The following MORN1 variants were observed in gnomAD, a reference collection of about 807,000 sequenced individuals.
MORN1 encodes MORN repeat-containing protein 1.
In MORN1, 67 loss-of-function variants were observed where a neutral mutation model predicts 61.9. That is an observed-to-expected ratio of 1.08 (90% CI 0.89 to 1.33). The LOEUF (loss-of-function observed/expected upper bound fraction) is 1.33. MORN1 is among the 40% of genes most tolerant of loss of function. The probability of loss-of-function intolerance (pLI) is 0.00; values close to 1 mark genes in which losing one functional copy is unlikely to be tolerated. For missense variants in MORN1, 752 were observed against 691.2 expected, an observed-to-expected ratio of 1.09 and a Z score of -0.99; for synonymous variants, 301 against 292.0, an observed-to-expected ratio of 1.03 and a Z score of -0.31.
At chr1:2,391,172 G>A (rs1231260946) in intron 1 of MORN1, among the ~76,000 whole-genome samples, 1 of 152,158 alleles carries the variant, frequency 6.6e-6, no homozygotes, top group African/African-American at 2.4e-5. Context: ...CTGGCTGTGA[G>A]GCTGCGGCCG....
intron 6 of MORN1, among the ~76,000 whole-genome samples, chr1:2,381,953 G>C (rs1224519773): frequency 6.6e-6 from 1 of 152,214 alleles, no homozygotes; most frequent in Non-Finnish European, 1.5e-5. Flanking sequence ...CCCTGGTGCT[G>C]TCAGCCCAGG....
At chr1:2,369,718 T>G (rs999202424) in intron 8 of MORN1, among the ~76,000 whole-genome samples, 2 of 104,794 alleles carry the variant, frequency 1.9e-5, no homozygotes, top group African/African-American at 2.8e-5. Flanking sequence ...TAGAAATAAT[T>G]AATAAAATAA....
At chr1:2,366,610 G>A (rs896188611) in intron 8 of MORN1, among the ~76,000 whole-genome samples, 3 of 152,032 alleles carry the variant, frequency 2.0e-5, no homozygotes, top group East Asian at 1.9e-4. Context: ...TGCAACCTCC[G>A]CCTCCCAGGT....
chr1:2,325,023 G>C (rs1177218092), intron 12 of MORN1, among the ~76,000 whole-genome samples: 1 of 151,212 alleles, frequency 6.6e-6, no homozygotes, highest in African/African-American at 2.4e-5. Context: ...ACGAGGGGCT[G>C]GCTCTGTGTG....
intron 13 of MORN1, chr1:2,323,507 G>A (rs934245857): frequency 4.1e-6 from 4 of 985,280 alleles, no homozygotes; most frequent in Non-Finnish European, 3.6e-6. Flanking sequence ...CCTTTGTGTA[G>A]CTGAGGTGCC....
intron 6 of MORN1, chr1:2,378,323 C>T (rs1333155273): frequency 6.5e-6 from 1 of 152,916 alleles, no homozygotes; most frequent in African/African-American, 2.4e-5. Context: ...TCAAACACCC[C>T]AAATTATCTA....
At position 2,336,560 on chromosome 1, in the gene MORN1, G is replaced by A; in HGVS notation, c.1171-12C>T. The A allele has an allele frequency of 6.2e-7, 1 of 1,612,384 alleles. No homozygotes were observed. The highest frequency in any genetic ancestry group is 8.5e-7 in the Non-Finnish European group (1 of 1,179,464). On this transcript the variant is annotated splice_polypyrimidine_tract_variant and intron_variant, in intron 11 of 13. Transcript: ENST00000378531. The stretch of plus-strand genomic sequence containing the variant: ...CTGCCGCCTGCCTTCTAGAAAGATT[G>A]GGCAGGAGGAGGGGAGAAGGAAAGG...
In MORN1 at chr1:2,356,979, G is replaced by A. The variant is rs141913071; in HGVS notation, c.1036+453C>T. ...TCCACGAAGAAACGTGAGGCAACCC[G>A]TGCAGAAGCGGAGCAGCGGGAAACC... On this transcript the variant is annotated intron_variant, in intron 10 of 13. Coordinates refer to ENST00000378531, the MANE Select transcript of MORN1 (RefSeq NM_024848.3). Among the ~76,000 whole-genome samples the A allele has an allele frequency of 3.9e-5, 6 of 152,318 alleles. 1 individual carries two copies. The highest frequency in any genetic ancestry group is 1.3e-4 in the Admixed American group (2 of 15,310).
chr1:2,335,846 C>CCCAGCCCAGCCCAGCCCA lies in MORN1; in HGVS notation c.1250+622_1250+623insTGGGCTGGGCTGGGCTGG, dbSNP rs370659459. ...GCCTCCATAGCCCAGCCCAGCCCAG[C>CCCAGCCCAGCCCAGCCCA]GCGCAGCTGCCCCCAATTTGTAGAC... On this transcript the variant is annotated intron_variant, in intron 12 of 13. Coordinates refer to ENST00000378531, the MANE Select transcript of MORN1 (RefSeq NM_024848.3). Among the ~76,000 whole-genome samples, 27 of 149,950 alleles carry CCCAGCCCAGCCCAGCCCA rather than the reference C, an allele frequency of 1.8e-4. 1 individual carries two copies. The highest frequency in any genetic ancestry group is 6.4e-4 in the African/African-American group (25 of 39,340).
At chr1:2,321,974 AG>A (rs1385366861) in intron 13 of MORN1, 4 of 967,518 alleles carry the variant, frequency 4.1e-6, no homozygotes, top group Middle Eastern at 5.3e-4. Flanking sequence ...CTACTTTTTT[AG>A]GAGAAAAATA....
At chr1:2,324,281 C>T (rs1222998424) in intron 12 of MORN1, 138 bp from the exon 13 acceptor site, 5 of 837,192 alleles carry the variant, frequency 6.0e-6, no homozygotes, top group East Asian at 2.7e-5. Flanking sequence ...AACCCCACCT[C>T]GGGGCCATGG....
intron 13 of MORN1, chr1:2,322,558 A>G (rs1191683417): frequency 2.1e-6 from 2 of 948,020 alleles, no homozygotes; most frequent in African/African-American, 3.8e-5. Context: ...CTCCTTTAGA[A>G]AAAAAAAAAC....
chr1:2,356,947 C>T (rs1168752337), intron 10 of MORN1, among the ~76,000 whole-genome samples: 1 of 152,176 alleles, frequency 6.6e-6, no homozygotes, highest in African/African-American at 2.4e-5. Flanking sequence ...AGCACCTGGG[C>T]CTCATCTCCA....
Position 2,322,134 on chromosome 1 carries a change from C to T in MORN1, c.1298-555G>A, listed in dbSNP as rs1640895406. The T allele has an allele frequency of 8.1e-6, 8 of 985,396 alleles. No individual in the cohort carries two copies. In the South Asian group the frequency reaches 1.4e-4, roughly 17 times the overall value. 61.0% of individuals were successfully genotyped at this position (985,396 alleles called of 1,614,324 possible). A position where few individuals can be genotyped will look rare whatever the true frequency, so the allele number is the denominator to read the frequency against. On this transcript the variant is annotated intron_variant, in intron 13 of 13. Coordinates refer to ENST00000378531, the MANE Select transcript of MORN1 (RefSeq NM_024848.3). ...GGCTGGAGGGCGGCCCTGCTGGGGG[C>T]ACTCGGCAGAGAAGGAAAAGTACTT...
At chr1:2,348,802 CCTG>C (rs1202671079) in intron 10 of MORN1, among the ~76,000 whole-genome samples, 1 of 148,696 alleles carries the variant, frequency 6.7e-6, no homozygotes, top group Non-Finnish European at 1.5e-5. Context: ...CACACGCACT[CCTG>C]CGCGGGCACG....
intron 6 of MORN1, among the ~76,000 whole-genome samples, chr1:2,380,838 G>A (rs1642355531): frequency 6.6e-6 from 1 of 152,228 alleles, no homozygotes; most frequent in East Asian, 1.9e-4. Flanking sequence ...GTACAGGTGT[G>A]AGCCACTGTG....
intron 13 of MORN1, chr1:2,322,720 G>C: frequency 1.0e-6 from 1 of 985,490 alleles, no homozygotes; most frequent in Non-Finnish European, 1.2e-6. Context: ...CCGGTTTCTA[G>C]GTGTTCCCAG....
chr1:2,362,775 A>G (rs2100316996), intron 8 of MORN1, among the ~76,000 whole-genome samples: 1 of 152,206 alleles, frequency 6.6e-6, no homozygotes, highest in South Asian at 2.1e-4. Context: ...GAGGCAGGAG[A>G]ATTGCTTGAA....
chr1:2,381,469 A>T (rs558922836), intron 6 of MORN1, among the ~76,000 whole-genome samples: 1 of 152,274 alleles, frequency 6.6e-6, no homozygotes, highest in South Asian at 2.1e-4. Context: ...ACCAGCACAC[A>T]GCAGTGTCCC....
Sources: gnomAD v4.1 joint callset for allele counts (sites outside exome capture counted in the v4.1 genomes callset) on GRCh38, gnomAD v4.1.1 for gene constraint, MANE v1.5 for transcripts, NCBI Gene and HGNC (gene_info 2026-07-23, HGNC 2026-07-21) for gene names.